Variants in ZYG11B observed in about 807,000 individuals in gnomAD.
ZYG11B encodes protein zyg-11 homolog B.
ZYG11B carries 36 observed loss-of-function variants against 82.4 expected under a neutral mutation model. That is an observed-to-expected ratio of 0.44 (90% CI 0.33 to 0.58). The LOEUF (loss-of-function observed/expected upper bound fraction) is 0.58. ZYG11B is among the 20% of genes least tolerant of loss of function. The probability of loss-of-function intolerance (pLI) is 0.02; values close to 1 mark genes in which losing one functional copy is unlikely to be tolerated. For synonymous variants in ZYG11B, 303 were observed against 312.8 expected, an observed-to-expected ratio of 0.97 and a Z score of 0.33; for missense variants, 552 against 895.6, an observed-to-expected ratio of 0.62 and a Z score of 4.90.
At chr1:52,762,976 T>G (rs1420473635) in intron 2 of ZYG11B, among the ~76,000 whole-genome samples, 7 of 103,060 alleles carry the variant, frequency 6.8e-5, no homozygotes, top group South Asian at 3.8e-4. Context: ...GGTGAGAGAT[T>G]GGGGGGGGGG....
At chr1:52,796,704 A>G (rs759984921) in intron 7 of ZYG11B, 30 bp from the exon 8 acceptor site, 1 of 1,579,376 alleles carries the variant, frequency 6.3e-7, no homozygotes, top group South Asian at 1.1e-5. Context: ...GAGTTCTTGG[A>G]CATTGAATTT....
chr1:52,768,768 A>G (rs1341383934), intron 2 of ZYG11B, among the ~76,000 whole-genome samples: 1 of 151,780 alleles, frequency 6.6e-6, no homozygotes, highest in Non-Finnish European at 1.5e-5. Flanking sequence ...TAATTTTTGC[A>G]TTTTTAGTAG....
intron 3 of ZYG11B, among the ~76,000 whole-genome samples, chr1:52,773,646 T>A (rs1209811731): frequency 5.5e-5 from 4 of 72,812 alleles, no homozygotes; most frequent in South Asian, 6.1e-4. Flanking sequence ...TTTTTTTTTT[T>A]TTTTTTTTTT....
chr1:52,781,839 A>G (rs560857590), intron 4 of ZYG11B, among the ~76,000 whole-genome samples: 1 of 152,288 alleles, frequency 6.6e-6, no homozygotes, highest in South Asian at 2.1e-4. Context: ...GGTAGGAACC[A>G]GTAACATTTT....
intron 1 of ZYG11B, among the ~76,000 whole-genome samples, chr1:52,744,088 C>T (rs1644456962): frequency 2.0e-5 from 3 of 152,096 alleles, no homozygotes; most frequent in Admixed American, 2.0e-4. Flanking sequence ...AGGCACAAGC[C>T]ACCACACCCA....
At position 52,809,703 on chromosome 1, in the gene ZYG11B, G is replaced by T. The variant is rs142839230; in HGVS notation, c.1696-3833G>T. 2.0e-3 allele frequency among the ~76,000 whole-genome samples: 297 copies of T among 151,954 alleles called. 3 individuals are homozygous for T. The highest frequency in any genetic ancestry group is 6.9e-3 in the African/African-American group (285 of 41,424). On this transcript the variant is annotated intron_variant, in intron 10 of 13. Coordinates refer to ENST00000294353, the MANE Select transcript of ZYG11B (RefSeq NM_024646.3). ...TTATTTTCCTTTTTTTTTAATAGTA[G>T]CCATTCTAATGGGTCTGAGACAGTA...
In ZYG11B at chr1:52,776,219, T is replaced by TAAAA. The variant is rs1165031214; in HGVS notation, c.952-3626_952-3623dup. On this transcript the variant is annotated intron_variant, in intron 3 of 13. Coordinates refer to ENST00000294353, the MANE Select transcript of ZYG11B (RefSeq NM_024646.3). ...GAACAACAAGAGCAAAACTCTGTCT[T>TAAAA]AAAAAAAAAAATATATATATATATA... Among the ~76,000 whole-genome samples, 7 of 42,498 alleles carry TAAAA rather than the reference T, an allele frequency of 1.6e-4. 1 individual carries two copies. Among genetic ancestry groups the TAAAA allele is most frequent in the South Asian group, 8.2e-4 (1 of 1,226 alleles). The allele number at this position is 42,498 out of a possible 152,430, so 27.9% of individuals were successfully genotyped here. A position where few individuals can be genotyped will look rare whatever the true frequency, so the allele number is the denominator to read the frequency against.
intron 6 of ZYG11B, among the ~76,000 whole-genome samples, chr1:52,795,742 A>G (rs914567299): frequency 3.3e-5 from 5 of 152,160 alleles, no homozygotes; most frequent in African/African-American, 1.2e-4. Context: ...TCCGTAGCAT[A>G]TGGTCAGTAC....
chr1:52,790,052 A>G lies in ZYG11B; in HGVS notation c.1319A>G (p.Asp440Gly). The change falls in exon 6 of 14, where the codon GAT (aspartate) becomes GGT (glycine). Residue 440 changes from aspartate to glycine, a missense_variant. Coordinates refer to ENST00000294353, the MANE Select transcript of ZYG11B (RefSeq NM_024646.3). ...LSLCSDRILQ[D>G]VPFNRFEAAK... ...CTTTGCAGTGACCGGATCCTTCAAG[A>G]TGTTCCATTTAACAGGCAAGTGATA... is the stretch of plus-strand genomic sequence containing the variant. The G allele has an allele frequency of 6.3e-7, 1 of 1,594,032 alleles. No homozygotes were observed.
At chr1:52,766,207 G>A (rs1468015294) in intron 2 of ZYG11B, among the ~76,000 whole-genome samples, 1 of 148,482 alleles carries the variant, frequency 6.7e-6, no homozygotes, top group African/African-American at 2.5e-5. Context: ...TGCAACCCCT[G>A]TCTCCCAGGT....
chr1:52,792,211 G>A (rs1385327368), intron 6 of ZYG11B, among the ~76,000 whole-genome samples: 1 of 152,082 alleles, frequency 6.6e-6, no homozygotes, highest in Non-Finnish European at 1.5e-5. Context: ...TGGATATTTA[G>A]TGGATTGATT....
chr1:52,797,429 A>AT (rs1645033139), intron 8 of ZYG11B, among the ~76,000 whole-genome samples: 1 of 118,410 alleles, frequency 8.4e-6, no homozygotes, highest in Non-Finnish European at 1.6e-5. Flanking sequence ...TATACATATT[A>AT]TATATAACAT....
At chr1:52,733,236 C>A (rs1258420863) in intron 1 of ZYG11B, among the ~76,000 whole-genome samples, 2 of 152,038 alleles carry the variant, frequency 1.3e-5, no homozygotes, top group African/African-American at 4.8e-5. Context: ...TATATCAAAC[C>A]TTTTATAGGT....
At chr1:52,797,587 A>C (rs1009678830) in intron 8 of ZYG11B, among the ~76,000 whole-genome samples, 4 of 141,028 alleles carry the variant, frequency 2.8e-5, no homozygotes, top group East Asian at 2.1e-4. Context: ...CGGCTCACTG[A>C]AAGCTCCGCT....
chr1:52,770,156 A>G (rs1158702442), intron 2 of ZYG11B, among the ~76,000 whole-genome samples: 2 of 148,914 alleles, frequency 1.3e-5, no homozygotes, highest in African/African-American at 2.5e-5. Context: ...CAATGGTGCA[A>G]TCATAATTCA....
At chr1:52,800,766 C>T (rs748088567) in intron 8 of ZYG11B, among the ~76,000 whole-genome samples, 9 of 151,810 alleles carry the variant, frequency 5.9e-5, no homozygotes, top group South Asian at 2.1e-4. Flanking sequence ...GCTGAGATTG[C>T]GCCACTTCAC....
intron 10 of ZYG11B, among the ~76,000 whole-genome samples, chr1:52,809,478 C>T (rs11206022): frequency 0.11 from 16,160 of 152,108 alleles, 1,917 homozygotes; most frequent in East Asian, 0.35. Context: ...TGAGCCACCG[C>T]GCCCGGCCAC....
At chr1:52,734,231 C>T (rs189483514) in intron 1 of ZYG11B, among the ~76,000 whole-genome samples, 23 of 152,064 alleles carry the variant, frequency 1.5e-4, no homozygotes, top group Admixed American at 1.0e-3. Flanking sequence ...CTCCTGGGCT[C>T]AAGTGATCCT....
At chr1:52,789,907 GTCT>G (rs1027439646) in intron 5 of ZYG11B, 93 bp from the exon 6 acceptor site, 16 of 841,876 alleles carry the variant, frequency 1.9e-5, no homozygotes, top group East Asian at 1.1e-4. Flanking sequence ...TGTTTCATCA[GTCT>G]TCTTCTTTTT....
Sources: allele counts gnomAD v4.1 joint callset (sites outside exome capture counted in the v4.1 genomes callset), GRCh38; gene constraint gnomAD v4.1.1; transcripts MANE v1.5; gene names NCBI Gene and HGNC (gene_info 2026-07-23, HGNC 2026-07-21).